PSMB2: variants seen among roughly 807,000 people sequenced by gnomAD.
PSMB2 encodes proteasome subunit beta type-2.
A neutral mutation model predicts 25.7 loss-of-function variants in PSMB2; 13 were observed. The ratio of observed to expected loss-of-function variants is 0.51; its 90% CI spans 0.33 to 0.80. The LOEUF is 0.80. PSMB2 is among the 30% of genes least tolerant of loss of function. The pLI, the probability that PSMB2 is intolerant of heterozygous loss-of-function variation, is 0.02. For missense variants in PSMB2, 202 were observed against 259.0 expected, an observed-to-expected ratio of 0.78 and a Z score of 1.51; for synonymous variants, 87 against 96.2, an observed-to-expected ratio of 0.90 and a Z score of 0.56.
chr1:35,621,576 T>C (rs1650683452), intron 3 of PSMB2, among the ~76,000 whole-genome samples: 1 of 152,256 alleles, frequency 6.6e-6, no homozygotes, highest in African/African-American at 2.4e-5. Context: ...ATTTGCTCTG[T>C]TGTCTACATT....
In PSMB2 at chr1:35,605,423, T is replaced by C; in HGVS notation, c.449-141A>G. On this transcript the variant is annotated intron_variant, in intron 4 of 5. Coordinates refer to ENST00000373237, the MANE Select transcript of PSMB2 (RefSeq NM_002794.5). ...AAAAGGCAAAAAATGCTTTGCCTTC[T>C]AGCCTGCAATCAACTTACTCCACAT... is the stretch of plus-strand genomic sequence containing the variant. 5.9e-6 allele frequency: 5 copies of C among 842,970 alleles called. No individual in the cohort carries two copies. The South Asian group carries it at 7.2e-5, about 12-fold the overall frequency. 52.2% of individuals were successfully genotyped at this position (842,970 alleles called of 1,614,324 possible). A position where few individuals can be genotyped will look rare whatever the true frequency, so the allele number is the denominator to read the frequency against.
At chr1:35,636,095 G>C (rs1161627507) in intron 2 of PSMB2, among the ~76,000 whole-genome samples, 2 of 152,154 alleles carry the variant, frequency 1.3e-5, no homozygotes, top group Non-Finnish European at 2.9e-5. Flanking sequence ...AGTACAAAGA[G>C]AAAAATCACG....
intron 3 of PSMB2, among the ~76,000 whole-genome samples, chr1:35,611,600 G>A (rs1650345182): frequency 6.6e-6 from 1 of 152,122 alleles, no homozygotes; most frequent in Non-Finnish European, 1.5e-5. Context: ...GAGGCGGGCA[G>A]ATTACTTGAG....
In PSMB2 at chr1:35,603,064, T is replaced by G; in HGVS notation, c.*203A>C. On this transcript the variant is annotated 3_prime_UTR_variant, in exon 6 of 6. Coordinates refer to ENST00000373237, the MANE Select transcript of PSMB2 (RefSeq NM_002794.5). ...GCGGAGCAGGAAGAAAAGTCAGACC[T>G]GGCAAAAAGATCATCTTCCCTCCAT... 1 of 1,336,994 alleles carries G rather than the reference T, an allele frequency of 7.5e-7. No individual in the cohort carries two copies. The highest frequency in any genetic ancestry group is 9.6e-7 in the Non-Finnish European group (1 of 1,043,742). 82.8% of individuals were successfully genotyped at this position (1,336,994 alleles called of 1,614,324 possible).
At chr1:35,609,808 G>A (rs950475704) in intron 3 of PSMB2, among the ~76,000 whole-genome samples, 8 of 152,154 alleles carry the variant, frequency 5.3e-5, no homozygotes, top group African/African-American at 1.9e-4. Flanking sequence ...GTCACACAAA[G>A]GAGAAATGAT....
chr1:35,608,701 T>A (rs1377742120), intron 4 of PSMB2, among the ~76,000 whole-genome samples: 3 of 152,208 alleles, frequency 2.0e-5, no homozygotes, highest in Non-Finnish European at 4.4e-5. Flanking sequence ...CGACGGCTTT[T>A]TCTTTCAAGA....
At chr1:35,618,243 G>C (rs1650565678) in intron 3 of PSMB2, among the ~76,000 whole-genome samples, 2 of 152,134 alleles carry the variant, frequency 1.3e-5, no homozygotes, top group South Asian at 4.1e-4. Flanking sequence ...GAGGGAGAAA[G>C]AAGAGTGAGG....
In PSMB2 at chr1:35,603,454, A is replaced by C. The variant is rs1486491440; in HGVS notation, c.499-80T>G. 15 of 1,500,842 alleles carry C rather than the reference A, an allele frequency of 1.0e-5. No individual in the cohort carries two copies. The Admixed American group carries it at 3.2e-4, about 32-fold the overall frequency. The allele number at this position is 1,500,842 out of a possible 1,614,324, so 93.0% of individuals were successfully genotyped here. On this transcript the variant is annotated intron_variant, in intron 5 of 5. Coordinates refer to ENST00000373237, the MANE Select transcript of PSMB2 (RefSeq NM_002794.5). ...CCAGGCTCTGTTCTAGACACTGGGGATACAAGCAAACAAAAATCCCTGCTT... is the reference window on the plus strand; with the variant it reads ...CCAGGCTCTGTTCTAGACACTGGGGCTACAAGCAAACAAAAATCCCTGCTT...
At chr1:35,612,238 TTC>T (rs1650363730) in intron 3 of PSMB2, among the ~76,000 whole-genome samples, 1 of 152,032 alleles carries the variant, frequency 6.6e-6, no homozygotes, top group Non-Finnish European at 1.5e-5. Flanking sequence ...TCTGAGTACC[TTC>T]TTAGTAAAGC....
intron 3 of PSMB2, among the ~76,000 whole-genome samples, chr1:35,621,866 T>C (rs1478502722): frequency 6.6e-6 from 1 of 152,078 alleles, no homozygotes; most frequent in Non-Finnish European, 1.5e-5. Context: ...TATGGTGGCA[T>C]GTGCCTGTAG....
chr1:35,625,746 A>G (rs1571135621), intron 3 of PSMB2, among the ~76,000 whole-genome samples: 1 of 151,072 alleles, frequency 6.6e-6, no homozygotes, highest in East Asian at 2.0e-4. Flanking sequence ...TGGGTGACAC[A>G]GTGAGACTCC....
intron 1 of PSMB2, among the ~76,000 whole-genome samples, chr1:35,638,411 A>G (rs994633004): frequency 6.6e-6 from 1 of 152,228 alleles, no homozygotes; most frequent in Non-Finnish European, 1.5e-5. Flanking sequence ...AGAATCCAAG[A>G]GACCTTGGTT....
At chr1:35,616,270 T>A (rs1650489577) in intron 3 of PSMB2, among the ~76,000 whole-genome samples, 1 of 152,250 alleles carries the variant, frequency 6.6e-6, no homozygotes, top group African/African-American at 2.4e-5. Flanking sequence ...TGTAAAAATA[T>A]GATTTGGTAT....
chr1:35,620,295 A>G (rs16866317), intron 3 of PSMB2, among the ~76,000 whole-genome samples: 5,870 of 152,234 alleles, frequency 0.039, 355 homozygotes, highest in African/African-American at 0.12. Context: ...TATTAGAACC[A>G]TGTTCCCCAT....
chr1:35,603,937 G>A (rs373533527), intron 5 of PSMB2, among the ~76,000 whole-genome samples: 1 of 149,826 alleles, frequency 6.7e-6, no homozygotes, highest in Non-Finnish European at 1.5e-5. Flanking sequence ...TGGGAGGATC[G>A]CTTGAGTTCC....
intron 3 of PSMB2, among the ~76,000 whole-genome samples, chr1:35,620,194 A>G (rs1321091243): frequency 6.6e-6 from 1 of 152,250 alleles, no homozygotes; most frequent in East Asian, 1.9e-4. Context: ...TCTAGAAAAG[A>G]GTAGTTAGGA....
chr1:35,601,516 T>C lies in PSMB2; in HGVS notation c.*1751A>G, dbSNP rs1441899582. 1.0e-6 allele frequency: 1 copy of C among 985,314 alleles called. No individual in the cohort carries two copies. Among genetic ancestry groups the C allele is most frequent in the Admixed American group, 6.2e-5 (1 of 16,254 alleles). The allele number at this position is 985,314 out of a possible 1,614,324, so 61.0% of individuals were successfully genotyped here. On this transcript the variant is annotated 3_prime_UTR_variant, in exon 6 of 6. Transcript: ENST00000373237. ...TCTTTTCTCCCATTTACTCAATGATTAGCTTTCTTCTTATGGTGTAAGGCA... is the reference window on the plus strand; with the variant it reads ...TCTTTTCTCCCATTTACTCAATGATCAGCTTTCTTCTTATGGTGTAAGGCA...
chr1:35,604,895 G>C (rs1344383366), intron 5 of PSMB2, among the ~76,000 whole-genome samples: 2 of 152,234 alleles, frequency 1.3e-5, no homozygotes, highest in East Asian at 1.9e-4. Context: ...TTGTACCTCA[G>C]AACAGTGGAC....
intron 3 of PSMB2, among the ~76,000 whole-genome samples, chr1:35,615,135 C>T (rs1650456481): frequency 6.6e-6 from 1 of 152,184 alleles, no homozygotes; most frequent in African/African-American, 2.4e-5. Context: ...GCATTATCAA[C>T]AGATTTGACT....
Sources: allele counts gnomAD v4.1 joint callset (sites outside exome capture counted in the v4.1 genomes callset), GRCh38; gene constraint gnomAD v4.1.1; transcripts MANE v1.5; gene names NCBI Gene and HGNC (gene_info 2026-07-23, HGNC 2026-07-21).